ATP10D: variants seen among roughly 807,000 people sequenced by gnomAD.
The protein encoded by ATP10D is phospholipid-transporting ATPase VD.
Under a neutral mutation model 144.8 loss-of-function variants are expected in ATP10D, and 89 were observed. The observed-to-expected ratio is 0.61, with a 90% CI of 0.52 to 0.73. The LOEUF (loss-of-function observed/expected upper bound fraction) is 0.73. Among genes scored for constraint, ATP10D ranks in the 30% least tolerant of loss-of-function variants. The pLI is 0.00. For synonymous variants in ATP10D, 571 were observed against 615.1 expected (o/e 0.93, Z 1.06); for missense variants, 1,603 against 1,714.8 (o/e 0.93, Z 1.15).
chr4:47,573,867 T>C (rs532212233), intron 18 of ATP10D, among the ~76,000 whole-genome samples: 40 of 137,628 alleles, frequency 2.9e-4, no homozygotes, highest in African/African-American at 1.1e-3. Flanking sequence ...TGCACATGTA[T>C]GTCCATCAGT....
At chr4:47,530,002 GA>G (rs1477337513) in intron 5 of ATP10D, among the ~76,000 whole-genome samples, 1 of 152,110 alleles carries the variant, frequency 6.6e-6, no homozygotes, top group Admixed American at 6.5e-5. Flanking sequence ...TTTGTGTTTT[GA>G]AACTTTACCA....
At chr4:47,533,441 A>G (rs545122436) in intron 5 of ATP10D, among the ~76,000 whole-genome samples, 1 of 152,250 alleles carries the variant, frequency 6.6e-6, no homozygotes, top group Admixed American at 6.5e-5. Flanking sequence ...GAAATGATAA[A>G]TCTGTCTTTC....
intron 5 of ATP10D, among the ~76,000 whole-genome samples, chr4:47,530,269 T>A (rs990287212): frequency 6.6e-6 from 1 of 151,930 alleles, no homozygotes; most frequent in Non-Finnish European, 1.5e-5. Flanking sequence ...CCCCTTTTTT[T>A]ATGATATTGG....
At chr4:47,502,517 G>A (rs1477250422) in intron 1 of ATP10D, among the ~76,000 whole-genome samples, 4 of 149,716 alleles carry the variant, frequency 2.7e-5, no homozygotes, top group Non-Finnish European at 4.4e-5. Flanking sequence ...AAGCATTATC[G>A]CTTTCAATGT....
chr4:47,494,853 AAT>A (rs1268638670), intron 1 of ATP10D, among the ~76,000 whole-genome samples: 2 of 152,206 alleles, frequency 1.3e-5, no homozygotes, highest in Non-Finnish European at 2.9e-5. Context: ...TTATTGAAAC[AAT>A]TATCTGAGCT....
At position 47,536,896 on chromosome 4, in the gene ATP10D, A is replaced by G; in HGVS notation, c.1354A>G (p.Arg452Gly). 6.2e-7 allele frequency: 1 copy of G among 1,612,684 alleles called. No homozygotes were observed. The highest frequency in any genetic ancestry group is 8.5e-7 in the Non-Finnish European group (1 of 1,179,506). Reference sequence around the variant, plus strand: ...CACTGAGAATAAGATGGTTTTTCGAAGATGTAGTGTGGCAGGATTTGATTA... The same window carrying G: ...CACTGAGAATAAGATGGTTTTTCGAGGATGTAGTGTGGCAGGATTTGATTA... ...TLTENKMVFR[R>G]CSVAGFDYCH... The change falls in exon 9 of 23, where the codon AGA (arginine) becomes GGA (glycine). Residue 452 changes from arginine to glycine, a missense_variant. Transcript: ENST00000273859.
chr4:47,502,466 T>A (rs1715748405), intron 1 of ATP10D, among the ~76,000 whole-genome samples: 1 of 134,848 alleles, frequency 7.4e-6, no homozygotes, highest in African/African-American at 2.7e-5. Context: ...TGAGACTACG[T>A]CTCATAAAAA....
At chr4:47,507,197 C>A (rs976156248) in intron 1 of ATP10D, among the ~76,000 whole-genome samples, 6 of 152,142 alleles carry the variant, frequency 3.9e-5, no homozygotes, top group Non-Finnish European at 5.9e-5. Flanking sequence ...ATAGAGAGAA[C>A]ACTTTGTAAA....
chr4:47,586,921 C>A, intron 21 of ATP10D, 98 bp from the exon 22 acceptor site: 1 of 1,052,474 alleles, frequency 9.5e-7, no homozygotes, highest in Non-Finnish European at 1.4e-6. Context: ...TCATCCAGTG[C>A]TTAGATGTGT....
chr4:47,549,477 C>A (rs1168768282), intron 10 of ATP10D, among the ~76,000 whole-genome samples: 2 of 152,176 alleles, frequency 1.3e-5, no homozygotes, highest in Non-Finnish European at 2.9e-5. Context: ...ACTCCTCTTA[C>A]CTTCAGGGGT....
chr4:47,578,707 G>A (rs1463910385), intron 19 of ATP10D, among the ~76,000 whole-genome samples: 1 of 152,070 alleles, frequency 6.6e-6, no homozygotes, highest in Non-Finnish European at 1.5e-5. Flanking sequence ...CATTGGATTG[G>A]GCTTCTGCTG....
chr4:47,500,834 G>A (rs148210141), intron 1 of ATP10D, among the ~76,000 whole-genome samples: 1 of 152,318 alleles, frequency 6.6e-6, no homozygotes, highest in East Asian at 1.9e-4. Context: ...AGTCAGGAGG[G>A]AGATATTGGA....
chr4:47,551,141 G>A (rs1224975703), intron 10 of ATP10D, among the ~76,000 whole-genome samples: 3 of 152,156 alleles, frequency 2.0e-5, no homozygotes, highest in African/African-American at 4.8e-5. Flanking sequence ...GGTCGGGTGT[G>A]AGCAAAGTTG....
chr4:47,587,286 T>C, intron 22 of ATP10D, 80 bp downstream of exon 22: 1 of 1,288,534 alleles, frequency 7.8e-7, no homozygotes, highest in Non-Finnish European at 1.1e-6. Flanking sequence ...CTACTACGAA[T>C]GGTTGGCAGC....
chr4:47,508,093 C>T (rs1716119688), intron 1 of ATP10D, among the ~76,000 whole-genome samples: 2 of 152,152 alleles, frequency 1.3e-5, no homozygotes, highest in African/African-American at 4.8e-5. Flanking sequence ...CTAACAGGGG[C>T]CCCAAGTGAT....
chr4:47,527,246 T>C (rs1450934129), intron 5 of ATP10D, among the ~76,000 whole-genome samples: 1 of 152,122 alleles, frequency 6.6e-6, no homozygotes, highest in African/African-American at 2.4e-5. Flanking sequence ...CAATGGGGTA[T>C]TTATATTTTC....
intron 1 of ATP10D, among the ~76,000 whole-genome samples, chr4:47,510,075 C>T (rs1159966079): frequency 1.3e-5 from 2 of 151,302 alleles, no homozygotes; most frequent in African/African-American, 4.9e-5. Context: ...TAAATAGATC[C>T]TTGGTCATTC....
chr4:47,525,505 A>T (rs1717194106), intron 4 of ATP10D, 52 bp from the exon 5 acceptor site: 1 of 1,277,004 alleles, frequency 7.8e-7, no homozygotes, highest in African/African-American at 1.5e-5. Context: ...ACACTTCAAT[A>T]TTAAGGGTTT....
intron 3 of ATP10D, among the ~76,000 whole-genome samples, chr4:47,521,282 T>A (rs1716933434): frequency 6.6e-6 from 1 of 152,220 alleles, no homozygotes; most frequent in African/African-American, 2.4e-5. Flanking sequence ...TCACCTGTGA[T>A]ACAACCAGTT....
Sources: gnomAD v4.1 joint callset for allele counts (sites outside exome capture counted in the v4.1 genomes callset) on GRCh38, gnomAD v4.1.1 for gene constraint, MANE v1.5 for transcripts, NCBI Gene and HGNC (gene_info 2026-07-23, HGNC 2026-07-21) for gene names.